LRCH3: variants seen among roughly 807,000 people sequenced by gnomAD.
The protein encoded by LRCH3 is leucine rich repeats and calponin homology domain containing 3.
In LRCH3, 68 loss-of-function variants were observed where a neutral mutation model predicts 104.5. That is an observed-to-expected ratio of 0.65 (90% CI 0.54 to 0.80). The LOEUF (loss-of-function observed/expected upper bound fraction) is 0.80. Among genes scored for constraint, LRCH3 ranks in the 30% least tolerant of loss-of-function variants. The pLI, the probability that LRCH3 is intolerant of heterozygous loss-of-function variation, is 0.00. For missense variants in LRCH3, 951 were observed against 953.9 expected (o/e 1.00, Z 0.04); for synonymous variants, 344 against 361.3 (o/e 0.95, Z 0.54).
intron 4 of LRCH3, among the ~76,000 whole-genome samples, chr3:197,824,904 T>G (rs1560544882): frequency 1.3e-5 from 2 of 152,240 alleles, no homozygotes; most frequent in Non-Finnish European, 2.9e-5. Context: ...TGTTAAATAC[T>G]CTGAGTCCTA....
At chr3:197,850,478 T>C in intron 12 of LRCH3, 2 of 1,591,476 alleles carry the variant, frequency 1.3e-6, no homozygotes, top group Admixed American at 3.3e-5. Context: ...CCTCTTCTGG[T>C]TTAGGAACAA....
At chr3:197,844,015 A>C (rs1283725595) in intron 10 of LRCH3, among the ~76,000 whole-genome samples, 1 of 152,228 alleles carries the variant, frequency 6.6e-6, no homozygotes, top group African/African-American at 2.4e-5. Flanking sequence ...GGGTGAGGGA[A>C]GAGTGCAAGT....
At position 197,884,947 on chromosome 3, in the gene LRCH3, A is replaced by G. The variant is rs1258955685; in HGVS notation, c.*1281A>G. 1.3e-5 allele frequency: 2 copies of G among 152,176 alleles called. No homozygotes were observed. Among genetic ancestry groups the G allele is most frequent in the Non-Finnish European group, 2.9e-5 (2 of 68,046 alleles). The allele number at this position is 152,176 out of a possible 1,614,324, so 9.4% of individuals were successfully genotyped here. On this transcript the variant is annotated 3_prime_UTR_variant, in exon 21 of 21. Coordinates refer to ENST00000425562, the MANE Select transcript of LRCH3 (RefSeq NM_001365715.1). ...CATAGTAAAACAGTGAAACAGATAG[A>G]GTTGTATTTAAGGTCAGTATTCTAG...
In LRCH3 at chr3:197,826,941, T is replaced by A. The variant is rs1257075807; in HGVS notation, c.704T>A (p.Val235Asp). 1.2e-6 allele frequency: 2 copies of A among 1,614,056 alleles called. No individual in the cohort carries two copies. Among genetic ancestry groups the A allele is most frequent in the Non-Finnish European group, 1.7e-6 (2 of 1,180,004 alleles). ...FSCNKITTIP[V>D]CYRNLRHLQT... ...TGCAATAAAATTACCACAATCCCTG[T>A]TTGTTATCGGAACCTCAGGCACCTA... The change falls in exon 5 of 21, where the codon GTT becomes GAT. Residue 235 changes from valine to aspartate, a missense_variant. Coordinates refer to ENST00000425562, the MANE Select transcript of LRCH3 (RefSeq NM_001365715.1).
At chr3:197,873,092 A>G (rs761680321) in intron 19 of LRCH3, among the ~76,000 whole-genome samples, 7 of 152,158 alleles carry the variant, frequency 4.6e-5, no homozygotes, top group Non-Finnish European at 1.0e-4. Flanking sequence ...AGGTCTGGGC[A>G]TCAGTTTCAG....
chr3:197,831,134 C>T (rs1043962558), intron 7 of LRCH3: 7 of 317,066 alleles, frequency 2.2e-5, no homozygotes, highest in African/African-American at 1.1e-4. Context: ...CCAGTTGAAA[C>T]TGAAGCCTAC....
chr3:197,798,408 G>A (rs1168033974), intron 1 of LRCH3, among the ~76,000 whole-genome samples: 2 of 152,202 alleles, frequency 1.3e-5, no homozygotes, highest in East Asian at 3.8e-4. Flanking sequence ...ATGAAATACA[G>A]AAAATGAGAA....
At chr3:197,861,820 T>A (rs1740919640) in intron 15 of LRCH3, among the ~76,000 whole-genome samples, 1 of 152,140 alleles carries the variant, frequency 6.6e-6, no homozygotes, top group African/African-American at 2.4e-5. Flanking sequence ...AGTTCCCAAA[T>A]GTAGTTAATG....
At position 197,882,942 on chromosome 3, in the gene LRCH3, C is replaced by T. The variant is rs535399810; in HGVS notation, c.2209-599C>T. 252 of 985,356 alleles carry T rather than the reference C, an allele frequency of 2.6e-4. 1 individual carries two copies. The highest frequency in any genetic ancestry group is 6.8e-4 in the Admixed American group (11 of 16,272). 61.0% of individuals were successfully genotyped at this position (985,356 alleles called of 1,614,324 possible). On this transcript the variant is annotated intron_variant, in intron 20 of 20. Coordinates refer to ENST00000425562, the MANE Select transcript of LRCH3 (RefSeq NM_001365715.1). Reference sequence around the variant, plus strand: ...GATTTTTAATTCAGACAGGCCCTTCCATGAATTATTCAAATTAGGGGGAAG... The same window carrying T: ...GATTTTTAATTCAGACAGGCCCTTCTATGAATTATTCAAATTAGGGGGAAG...
At chr3:197,836,692 T>C (rs1313864388) in intron 9 of LRCH3, among the ~76,000 whole-genome samples, 1 of 152,256 alleles carries the variant, frequency 6.6e-6, no homozygotes, top group Non-Finnish European at 1.5e-5. Context: ...TCATTCTTTA[T>C]TTAATGAAGC....
chr3:197,848,055 G>T lies in LRCH3; in HGVS notation c.1530+34G>T. 3 of 1,610,400 alleles carry T rather than the reference G, an allele frequency of 1.9e-6. No individual in the cohort carries two copies. In the South Asian group the frequency reaches 3.3e-5, roughly 18 times the overall value. On this transcript the variant is annotated intron_variant, in intron 12 of 20. Coordinates refer to ENST00000425562, the MANE Select transcript of LRCH3 (RefSeq NM_001365715.1). ...TTTGAATGATGCTGTTCAAGCTGCT[G>T]ACTGGCTAAGTGCTTATTTGTTTGG...
In LRCH3 at chr3:197,847,985, G is replaced by A; in HGVS notation, c.1494G>A (p.Lys498=). The change falls in exon 12 of 21, where the codon AAG becomes AAA. Residue 498 remains lysine, a synonymous_variant. Transcript: ENST00000425562. ...LQYEEEKIRT[K]QIQRDAVLDF... ...ATGAGGAGGAGAAAATAAGGACCAA[G>A]CAGATCCAGAGAGATGCTGTCCTGG... 6.2e-7 allele frequency: 1 copy of A among 1,614,182 alleles called. No individual in the cohort carries two copies. Among genetic ancestry groups the A allele is most frequent in the Non-Finnish European group, 8.5e-7 (1 of 1,180,018 alleles).
At chr3:197,846,544 TA>T (rs74615885) in intron 10 of LRCH3, among the ~76,000 whole-genome samples, 63 of 135,768 alleles carry the variant, frequency 4.6e-4, no homozygotes, top group East Asian at 8.6e-4. Context: ...ACAGAAAAAT[TA>T]AAAAAAAAAA....
intron 20 of LRCH3, among the ~76,000 whole-genome samples, chr3:197,877,899 G>A (rs1167372462): frequency 6.6e-6 from 1 of 152,058 alleles, no homozygotes; most frequent in Non-Finnish European, 1.5e-5. Flanking sequence ...TTTATAAAGG[G>A]TCATCTTTTA....
intron 12 of LRCH3, chr3:197,850,400 T>A: frequency 1.5e-6 from 2 of 1,308,640 alleles, no homozygotes; most frequent in Admixed American, 1.7e-5. Context: ...AATGCTGAAT[T>A]TACTCCCGTG....
chr3:197,847,561 C>G (rs1467749787), intron 11 of LRCH3, 101 bp downstream of exon 11: 1 of 971,180 alleles, frequency 1.0e-6, no homozygotes. Flanking sequence ...TATATTTAAG[C>G]ATTACTAGCT....
intron 20 of LRCH3, among the ~76,000 whole-genome samples, chr3:197,878,496 G>T (rs553320526): frequency 6.6e-6 from 1 of 152,106 alleles, no homozygotes; most frequent in South Asian, 2.1e-4. Flanking sequence ...TCTTTTTCCA[G>T]AGTGGTTAGG....
rs1465435449 is a variant in LRCH3, at chr3:197,885,908, CTT to C, written c.*2246_*2247del. 6.6e-6 allele frequency: 1 copy of C among 152,176 alleles called. No individual in the cohort carries two copies. Among genetic ancestry groups the C allele is most frequent in the Non-Finnish European group, 1.5e-5 (1 of 68,026 alleles). The allele number at this position is 152,176 out of a possible 1,614,324, so 9.4% of individuals were successfully genotyped here. Reference sequence around the variant, plus strand: ...TCCATTTGGGCATAATGTTATCCCTCTTTTTATCAGGTAAATGTAGCATCTAA... The same window carrying C: ...TCCATTTGGGCATAATGTTATCCCTCTTTATCAGGTAAATGTAGCATCTAA... On this transcript the variant is annotated 3_prime_UTR_variant, in exon 21 of 21. Transcript: ENST00000425562.
chr3:197,795,258 C>T (rs1011449115), intron 1 of LRCH3, among the ~76,000 whole-genome samples: 2 of 152,064 alleles, frequency 1.3e-5, no homozygotes, highest in Non-Finnish European at 2.9e-5. Context: ...TATTCAGTCC[C>T]TTCTGGTAAT....
Sources: allele counts gnomAD v4.1 joint callset (sites outside exome capture counted in the v4.1 genomes callset), GRCh38; gene constraint gnomAD v4.1.1; transcripts MANE v1.5; gene names NCBI Gene and HGNC (gene_info 2026-07-23, HGNC 2026-07-21).